STPG4: variants seen among roughly 807,000 people sequenced by gnomAD.
STPG4 encodes the protein sperm-tail PG-rich repeat containing 4, also known as protein STPG4.
A neutral mutation model predicts 31.5 loss-of-function variants in STPG4; 41 were observed. That is an observed-to-expected ratio of 1.30 (90% confidence interval 1.01 to 1.69). STPG4 has a LOEUF of 1.69. Among genes scored for constraint, STPG4 ranks in the 40% most tolerant of loss-of-function variants. The probability of loss-of-function intolerance (pLI) is 0.00; values close to 1 mark genes in which losing one functional copy is unlikely to be tolerated. For missense variants in STPG4, 375 were observed against 293.4 expected (o/e 1.28, Z -2.03); for synonymous variants, 141 against 103.0 (o/e 1.37, Z -2.24).
At chr2:47,115,755 C>T (rs374583152) in intron 5 of STPG4, among the ~76,000 whole-genome samples, 1 of 148,342 alleles carries the variant, frequency 6.7e-6, no homozygotes, top group African/African-American at 2.5e-5. Context: ...TGGGTTCAAG[C>T]GATTCTTCTG....
intron 5 of STPG4, among the ~76,000 whole-genome samples, chr2:47,109,552 A>T (rs2103752309): frequency 7.3e-6 from 1 of 137,390 alleles, no homozygotes; most frequent in South Asian, 2.5e-4. Flanking sequence ...GAGACTATGT[A>T]TCAGAAAAAA....
intron 3 of STPG4, 111 bp downstream of exon 3, chr2:47,151,147 T>A: frequency 7.5e-7 from 1 of 1,330,808 alleles, no homozygotes; most frequent in Non-Finnish European, 1.0e-6. Context: ...TAAGACATCT[T>A]AAAGGTTTTC....
intron 4 of STPG4, 85 bp downstream of exon 4, chr2:47,130,111 T>C (rs1686446176): frequency 1.4e-6 from 2 of 1,471,744 alleles, no homozygotes; most frequent in East Asian, 4.5e-5. Flanking sequence ...GCATATGAGG[T>C]GCATAAATGA....
At chr2:47,123,237 T>G (rs2103771094) in intron 5 of STPG4, among the ~76,000 whole-genome samples, 1 of 152,362 alleles carries the variant, frequency 6.6e-6, no homozygotes, top group East Asian at 1.9e-4. Context: ...TAACTCATGG[T>G]CATGCATTTG....
At chr2:47,155,004 C>T (rs1458098971) in intron 1 of STPG4, among the ~76,000 whole-genome samples, 167 bp downstream of exon 1, 2 of 151,936 alleles carry the variant, frequency 1.3e-5, no homozygotes, top group Non-Finnish European at 2.9e-5. Flanking sequence ...CAATAAAGAC[C>T]AGGAAGGAAG....
intron 5 of STPG4, among the ~76,000 whole-genome samples, chr2:47,107,241 G>T (rs983232217): frequency 6.6e-6 from 1 of 152,180 alleles, no homozygotes; most frequent in East Asian, 1.9e-4. Flanking sequence ...GCTGGCCAAG[G>T]CCAGAGCCGG....
intron 5 of STPG4, among the ~76,000 whole-genome samples, chr2:47,123,090 T>C (rs954686833): frequency 6.6e-6 from 1 of 152,180 alleles, no homozygotes; most frequent in African/African-American, 2.4e-5. Context: ...CCTTCCAAAG[T>C]GCTGGGATTA....
chr2:47,103,640 T>G (rs1250970017), intron 5 of STPG4, among the ~76,000 whole-genome samples: 1 of 151,886 alleles, frequency 6.6e-6, no homozygotes, highest in Non-Finnish European at 1.5e-5. Flanking sequence ...TAAAAAAGAT[T>G]GTCCAATGAG....
At chr2:47,101,030 C>T (rs1483593059) in intron 5 of STPG4, among the ~76,000 whole-genome samples, 3 of 151,766 alleles carry the variant, frequency 2.0e-5, no homozygotes, top group Non-Finnish European at 2.9e-5. Flanking sequence ...GTGAGACAAT[C>T]GCCAAGCGGT....
chr2:47,133,859 G>C (rs183425461), intron 3 of STPG4, among the ~76,000 whole-genome samples: 9 of 151,960 alleles, frequency 5.9e-5, no homozygotes, highest in Non-Finnish European at 1.2e-4. Flanking sequence ...TTATAGACAT[G>C]AGACACAGCG....
chr2:47,155,052 A>T (rs554797526), intron 1 of STPG4, 119 bp downstream of exon 1: 2 of 853,706 alleles, frequency 2.3e-6, no homozygotes, highest in East Asian at 2.6e-5. Flanking sequence ...CAGGGAGAGA[A>T]GGGTAGGAAG....
At chr2:47,092,209 T>C (rs1322440648) in intron 5 of STPG4, among the ~76,000 whole-genome samples, 1 of 140,706 alleles carries the variant, frequency 7.1e-6, no homozygotes, top group African/African-American at 2.6e-5. Flanking sequence ...ACTTAATGTA[T>C]AGATAAATGA....
In STPG4 at chr2:47,151,340, T is replaced by C; in HGVS notation, c.317A>G (p.Asp106Gly). ...LPQYMPPDFL[D>G]LLKKQVATYS... ...AGTAGCCACTTGCTTCTTTAACAGGTCCAGGAAGTCAGGAGGCATATACTG... is the reference window on the plus strand; with the variant it reads ...AGTAGCCACTTGCTTCTTTAACAGGCCCAGGAAGTCAGGAGGCATATACTG... The change falls in exon 3 of 7, where the codon GAC (aspartate) becomes GGC (glycine). Residue 106 changes from aspartate (D) to glycine (G), a missense_variant. Transcript: ENST00000445927. 1.9e-6 allele frequency: 3 copies of C among 1,614,212 alleles called. No individual in the cohort carries two copies. The highest frequency in any genetic ancestry group is 2.5e-6 in the Non-Finnish European group (3 of 1,180,022).
intron 6 of STPG4, among the ~76,000 whole-genome samples, chr2:47,088,213 G>A (rs1407083672): frequency 1.3e-5 from 2 of 152,072 alleles, no homozygotes; most frequent in Non-Finnish European, 2.9e-5. Context: ...CTGAGTAGCT[G>A]GGATTACAGG....
intron 5 of STPG4, among the ~76,000 whole-genome samples, chr2:47,092,675 G>C (rs1244702554): frequency 6.6e-6 from 1 of 151,498 alleles, no homozygotes; most frequent in Admixed American, 6.6e-5. Flanking sequence ...AGGAGAGAGA[G>C]CCAGCAGTAA....
intron 3 of STPG4, among the ~76,000 whole-genome samples, chr2:47,134,330 G>A (rs188705379): frequency 1.7e-3 from 263 of 152,174 alleles, no homozygotes; most frequent in African/African-American, 6.1e-3. Flanking sequence ...TGGTTTCACT[G>A]CCCTAAAAAT....
At position 47,151,284 on chromosome 2, in the gene STPG4, G is replaced by A; in HGVS notation, c.373C>T (p.Pro125Ser). 1 of 1,614,164 alleles carries A rather than the reference G, an allele frequency of 6.2e-7. No individual in the cohort carries two copies. The highest frequency in any genetic ancestry group is 8.5e-7 in the Non-Finnish European group (1 of 1,180,026). The change falls in exon 3 of 7, where the codon CCC becomes TCC. Residue 125 changes from proline (P) to serine (S), a missense_variant. Physicochemically the swap from Pro to Ser is moderately conservative, Grantham distance 74. Transcript: ENST00000445927. ...TGATCTTTGTCAACTAGTGTGCTGG[G>A]GCTTGGCCGTGGTTTGTCTTTGAAT... Reference protein sequence around the residue: ...YSFKDKPRPSPSTLVDKDQSL... With the variant: ...YSFKDKPRPSSSTLVDKDQSL...
intron 5 of STPG4, among the ~76,000 whole-genome samples, chr2:47,118,933 A>G (rs1451526593): frequency 6.6e-6 from 1 of 152,248 alleles, no homozygotes; most frequent in Non-Finnish European, 1.5e-5. Context: ...TTCCATAACT[A>G]TGAAGCTAAT....
intron 5 of STPG4, among the ~76,000 whole-genome samples, chr2:47,103,741 G>A (rs2103743574): frequency 6.6e-6 from 1 of 152,138 alleles, no homozygotes; most frequent in Admixed American, 6.5e-5. Context: ...TGGGTCAGAA[G>A]CCCCTAACCA....
Sources: allele counts gnomAD v4.1 joint callset (sites outside exome capture counted in the v4.1 genomes callset), GRCh38; gene constraint gnomAD v4.1.1; transcripts MANE v1.5; gene names NCBI Gene and HGNC (gene_info 2026-07-23, HGNC 2026-07-21).